The following RAB2B variants were observed in gnomAD, a reference collection of about 807,000 sequenced individuals.
RAB2B encodes the protein RAB2B, member RAS oncogene family, also known as ras-related protein Rab-2B.
A neutral mutation model predicts 29.8 loss-of-function variants in RAB2B; 20 were observed. The ratio of observed to expected loss-of-function variants is 0.67; its 90% CI spans 0.47 to 0.97. The LOEUF (loss-of-function observed/expected upper bound fraction) is 0.97. Among genes scored for constraint, RAB2B ranks in the 50% least tolerant of loss-of-function variants. The pLI is 0.00. For missense variants in RAB2B, 218 were observed against 272.0 expected (o/e 0.80, Z 1.40); for synonymous variants, 93 against 91.7 (o/e 1.01, Z -0.08).
intron 3 of RAB2B, chr14:21,474,533 A>C (rs892652904): frequency 1.1e-5 from 3 of 263,854 alleles, no homozygotes; most frequent in African/African-American, 2.2e-5. Context: ...ACGTGGAATC[A>C]TCAGTAATGA....
chr14:21,461,385 C>A, intron 7 of RAB2B, 82 bp from the exon 8 acceptor site: 1 of 854,196 alleles, frequency 1.2e-6, no homozygotes. Context: ...TGCTTGTATC[C>A]CAGGGTAGAA....
chr14:21,471,951 CA>C, intron 3 of RAB2B, among the ~76,000 whole-genome samples: 1 of 152,086 alleles, frequency 6.6e-6, no homozygotes, highest in East Asian at 1.9e-4. Flanking sequence ...GCTGGAATTA[CA>C]GGCATGAGCC....
At chr14:21,470,054 CA>C (rs1018370056) in intron 3 of RAB2B, among the ~76,000 whole-genome samples, 1 of 150,862 alleles carries the variant, frequency 6.6e-6, no homozygotes, top group African/African-American at 2.5e-5. Context: ...CAGGTTCAAG[CA>C]ATTCTCCTTG....
intron 2 of RAB2B, chr14:21,476,248 T>A (rs1383368058): frequency 5.3e-6 from 2 of 374,388 alleles, no homozygotes. Context: ...TATGCTTTCG[T>A]GGGATTTTCC....
Position 21,461,014 on chromosome 14 carries a change from C to T in RAB2B, c.*182G>A. 2.0e-6 allele frequency: 1 copy of T among 490,506 alleles called. No homozygotes were observed. The highest frequency in any genetic ancestry group is 3.7e-6 in the Non-Finnish European group (1 of 272,914). 30.4% of individuals were successfully genotyped at this position (490,506 alleles called of 1,614,324 possible). On this transcript the variant is annotated 3_prime_UTR_variant, in exon 8 of 8. Transcript: ENST00000397762. ...AGAACCCTAATCTATAGGGAATGCT[C>T]ATGTCCCTGAAGGAGGACAGGTCAG...
Position 21,461,267 on chromosome 14 carries a change from A to C in RAB2B, c.580T>G (p.Ser194Ala), listed in dbSNP as rs1252921233. ...GIKIGPQQSI[S>A]TSVGPSASQR... ...GAGGCACTGGGTCCCACTGATGTTG[A>C]AATTGACTGTTGGGGCCCAATCTTG... The change falls in exon 8 of 8, where the codon TCA becomes GCA. Residue 194 changes from serine (S) to alanine (A), a missense_variant. By Grantham distance (99) the Ser-to-Ala change is moderately conservative. Coordinates refer to ENST00000397762, the MANE Select transcript of RAB2B (RefSeq NM_032846.4). 3 of 1,613,940 alleles carry C rather than the reference A, an allele frequency of 1.9e-6. No individual in the cohort carries two copies. The South Asian group carries it at 3.3e-5, about 18-fold the overall frequency.
intron 3 of RAB2B, chr14:21,474,619 T>A: frequency 2.3e-6 from 1 of 441,064 alleles, no homozygotes; most frequent in East Asian, 3.8e-5. Flanking sequence ...TTACTTTCTA[T>A]TCTATAAATT....
chr14:21,474,598 A>C (rs1890902901), intron 3 of RAB2B: 1 of 397,578 alleles, frequency 2.5e-6, no homozygotes, highest in African/African-American at 2.0e-5. Context: ...TTATGTATCA[A>C]AAGGGGACAT....
rs1207441763 is a variant in RAB2B at position 21,460,473 on chromosome 14, T to C, written c.*723A>G. On this transcript the variant is annotated 3_prime_UTR_variant, in exon 8 of 8. Transcript: ENST00000397762. ...GGTGGCACATGCCTGTAGTCCCAGCTACTCGGGAGGTTGAGGCAGGAGAAC... is the reference window on the plus strand; with the variant it reads ...GGTGGCACATGCCTGTAGTCCCAGCCACTCGGGAGGTTGAGGCAGGAGAAC... 3.2e-6 allele frequency: 1 copy of C among 308,896 alleles called. No homozygotes were observed. Among genetic ancestry groups the C allele is most frequent in the African/African-American group, 2.2e-5 (1 of 44,550 alleles). The allele number at this position is 308,896 out of a possible 1,614,324, so 19.1% of individuals were successfully genotyped here.
intron 3 of RAB2B, among the ~76,000 whole-genome samples, chr14:21,471,739 G>C (rs1040971951): frequency 6.8e-6 from 1 of 146,758 alleles, no homozygotes; most frequent in Non-Finnish European, 1.5e-5. Flanking sequence ...GCAGTGGCAT[G>C]ATCTTGGCTC....
At chr14:21,462,326 G>C (rs147076226) in intron 7 of RAB2B, 24 bp downstream of exon 7, 1 of 1,604,924 alleles carries the variant, frequency 6.2e-7, no homozygotes, top group Non-Finnish European at 8.5e-7. Context: ...AAAGTTAACT[G>C]CCAGCACTTC....
chr14:21,474,689 A>G (rs1037196462), intron 3 of RAB2B, 178 bp downstream of exon 3: 18 of 582,388 alleles, frequency 3.1e-5, no homozygotes, highest in Non-Finnish European at 4.9e-5. Context: ...TTACAACACA[A>G]AGATACAGCA....
In RAB2B at chr14:21,471,762, G is replaced by A. The variant is rs180679284; in HGVS notation, c.187-3010C>T. On this transcript the variant is annotated intron_variant, in intron 3 of 7. Transcript: ENST00000397762. ...ATGATCTTGGCTCACTGCAACCTCC[G>A]CCTCCCAGGTTCAAGTGATTCTCCT... Among the ~76,000 whole-genome samples, 875 of 147,498 alleles carry A rather than the reference G, an allele frequency of 5.9e-3. 4 individuals are homozygous for A. Among genetic ancestry groups the A allele is most frequent in the Non-Finnish European group, 9.0e-3 (610 of 67,438 alleles).
chr14:21,468,284 AG>A, intron 5 of RAB2B, 72 bp downstream of exon 5: 1 of 1,211,322 alleles, frequency 8.3e-7, no homozygotes, highest in Non-Finnish European at 1.2e-6. Flanking sequence ...AAACTGAGAA[AG>A]TTTGGGGATC....
Position 21,459,035 on chromosome 14 carries a change from C to A in RAB2B, c.*2161G>T, listed in dbSNP as rs1285421409. 1.3e-5 allele frequency: 2 copies of A among 152,472 alleles called. No homozygotes were observed. The highest frequency in any genetic ancestry group is 2.4e-5 in the African/African-American group (1 of 41,386). The allele number at this position is 152,472 out of a possible 1,614,324, so 9.4% of individuals were successfully genotyped here. ...GGAGTATGAATAGCTTTGATACATG[C>A]ATATATTTAATAATGAAACAATTCA... On this transcript the variant is annotated 3_prime_UTR_variant, in exon 8 of 8. Coordinates refer to ENST00000397762, the MANE Select transcript of RAB2B (RefSeq NM_032846.4).
chr14:21,472,597 T>C (rs1890845378), intron 3 of RAB2B, among the ~76,000 whole-genome samples: 1 of 152,154 alleles, frequency 6.6e-6, no homozygotes, highest in East Asian at 1.9e-4. Flanking sequence ...GTTCTGAAAC[T>C]GGTTCCTTTT....
At position 21,476,527 on chromosome 14, in the gene RAB2B, C is replaced by A. The variant is rs769823767; in HGVS notation, c.118+1G>T. The A allele has an allele frequency of 3.7e-6, 6 of 1,613,612 alleles. No individual in the cohort carries two copies. Among genetic ancestry groups the A allele is most frequent in the African/African-American group, 1.3e-5 (1 of 74,914 alleles). On this transcript the variant is annotated splice_donor_variant, in intron 2 of 7. Transcript: ENST00000397762. LOFTEE classifies it high-confidence loss of function. The stretch of plus-strand genomic sequence containing the variant: ...GTTCTGGAACAAGTAGATGCACTTA[C>A]CTATTGTGAGGTCGTGGACAGGCTG...
intron 5 of RAB2B, 65 bp from the exon 6 acceptor site, chr14:21,463,832 T>G (rs985286788): frequency 9.3e-7 from 1 of 1,080,146 alleles, no homozygotes; most frequent in Non-Finnish European, 1.4e-6. Flanking sequence ...AAAGTCTATT[T>G]CTAAAAGAAT....
intron 6 of RAB2B, among the ~76,000 whole-genome samples, chr14:21,463,043 C>T (rs2139593096): frequency 6.6e-6 from 1 of 151,940 alleles, no homozygotes; most frequent in Non-Finnish European, 1.5e-5. Context: ...CCATCAACAC[C>T]AGGCCTAGGA....
Sources: allele counts gnomAD v4.1 joint callset (sites outside exome capture counted in the v4.1 genomes callset), GRCh38; gene constraint gnomAD v4.1.1; transcripts MANE v1.5; gene names NCBI Gene and HGNC (gene_info 2026-07-23, HGNC 2026-07-21).